NISCH: variants seen among roughly 807,000 people sequenced by gnomAD.
NISCH encodes I-1 receptor candidate protein.
NISCH carries 55 observed loss-of-function variants against 138.4 expected under a neutral mutation model. That is an observed-to-expected ratio of 0.40 (90% CI 0.32 to 0.50). The LOEUF is 0.50. Among genes scored for constraint, NISCH ranks in the 20% least tolerant of loss-of-function variants. The pLI, the probability that NISCH is intolerant of heterozygous loss-of-function variation, is 0.71. For missense variants in NISCH, 1,643 were observed against 2,005.5 expected, an observed-to-expected ratio of 0.82 and a Z score of 3.45; for synonymous variants, 860 against 861.5, an observed-to-expected ratio of 1.00 and a Z score of 0.03.
At chr3:52,467,737 G>A (rs1191695019) in intron 3 of NISCH, among the ~76,000 whole-genome samples, 1 of 152,250 alleles carries the variant, frequency 6.6e-6, no homozygotes, top group African/African-American at 2.4e-5. Flanking sequence ...CTTTCCATGT[G>A]TTCCAGAAAT....
Position 52,492,684 on chromosome 3 carries a change from G to A in NISCH, c.*202G>A. 2.8e-6 allele frequency: 2 copies of A among 710,734 alleles called. No homozygotes were observed. The highest frequency in any genetic ancestry group is 2.1e-5 in the South Asian group (1 of 48,020). 44.0% of individuals were successfully genotyped at this position (710,734 alleles called of 1,614,324 possible). On this transcript the variant is annotated 3_prime_UTR_variant, in exon 21 of 21. Coordinates refer to ENST00000345716, the MANE Select transcript of NISCH (RefSeq NM_007184.4). ...AATGCCGGGCCCCTCAGGGCTGTCG[G>A]TGTGCTGTCAGCCTCCCACAGGTGG...
Position 52,489,635 on chromosome 3 carries a change from G to C in NISCH, c.3413G>C (p.Arg1138Pro), listed in dbSNP as rs747651412. ...CPSLRHVASLRGSAIIELFHS... is the reference protein window; with the variant it reads ...CPSLRHVASLPGSAIIELFHS... ...TCGCTCCGGCACGTCGCCAGCCTGC[G>C]GGGCAGCGCCATCATCGAGCTCTTC... The change falls in exon 17 of 21, where the codon CGG (arginine) becomes CCG (proline). Residue 1138 changes from arginine (R) to proline (P), a missense_variant. Arg to Pro is a moderately radical substitution (Grantham distance 103). Transcript: ENST00000345716. 5.0e-6 allele frequency: 8 copies of C among 1,612,908 alleles called. No homozygotes were observed. The South Asian group carries it at 5.5e-5, about 11-fold the overall frequency.
intron 20 of NISCH, 133 bp downstream of exon 20, chr3:52,491,646 T>C: frequency 8.4e-7 from 1 of 1,184,000 alleles, no homozygotes; most frequent in Non-Finnish European, 1.2e-6. Context: ...CAGGGTTTTA[T>C]GTGGGGCTTT....
chr3:52,485,851 C>T (rs747380375), intron 15 of NISCH, 24 bp downstream of exon 15: 87 of 1,565,166 alleles, frequency 5.6e-5, no homozygotes, highest in Non-Finnish European at 7.4e-5. Flanking sequence ...TGGAAAGGGA[C>T]CTGGGCCTGG....
At position 52,461,072 on chromosome 3, in the gene NISCH, G is replaced by A. The variant is rs149825620; in HGVS notation, c.360+2228G>A. ...CTGGCCAACATAGCGAAACCCTGTC[G>A]CTACTAAAAATACAAAAATTAGCTG... is the stretch of plus-strand genomic sequence containing the variant. On this transcript the variant is annotated intron_variant, in intron 3 of 20. Transcript: ENST00000345716. 1.3e-4 allele frequency among the ~76,000 whole-genome samples: 20 copies of A among 152,094 alleles called. No homozygotes were observed. The East Asian group carries it at 1.6e-3, about 12-fold the overall frequency.
intron 15 of NISCH, 72 bp downstream of exon 15, chr3:52,485,899 G>C: frequency 6.9e-7 from 1 of 1,447,000 alleles, no homozygotes; most frequent in South Asian, 1.2e-5. Context: ...TGTGGGCCAG[G>C]GGTGGCCAGT....
At chr3:52,481,166 T>A (rs2153231473) in intron 13 of NISCH, 1 of 1,211,944 alleles carries the variant, frequency 8.3e-7, no homozygotes, top group African/African-American at 1.6e-5. Context: ...GAAGGGGAGG[T>A]GAAATGCTCA....
intron 1 of NISCH, among the ~76,000 whole-genome samples, chr3:52,457,439 G>A (rs1192600734): frequency 6.6e-6 from 1 of 152,232 alleles, no homozygotes; most frequent in Non-Finnish European, 1.5e-5. Context: ...GGCTAGAACT[G>A]GCCCTGCTCT....
At chr3:52,470,782 G>T (rs1235330495) in intron 3 of NISCH, 77 bp from the exon 4 acceptor site, 1 of 1,176,162 alleles carries the variant, frequency 8.5e-7, no homozygotes, top group Non-Finnish European at 1.3e-6. Flanking sequence ...CAACAGAGGG[G>T]ATAGATAGCG....
chr3:52,479,575 C>T lies in NISCH; in HGVS notation c.1303-174C>T, dbSNP rs1307568291. 3.3e-5 allele frequency among the ~76,000 whole-genome samples: 5 copies of T among 152,160 alleles called. No individual in the cohort carries two copies. In the South Asian group the frequency reaches 1.0e-3, roughly 32 times the overall value. ...CTGAGCAGGCTGAGCCTCCCTCAGC[C>T]TATGGTGTCCTCACGTGGCCTGGCC... On this transcript the variant is annotated intron_variant, in intron 11 of 20. Transcript: ENST00000345716.
chr3:52,471,624 A>G, intron 4 of NISCH, 190 bp from the exon 5 acceptor site: 2 of 618,438 alleles, frequency 3.2e-6, no homozygotes, highest in East Asian at 2.8e-5. Flanking sequence ...CTGTCATCAC[A>G]TGTCTAGGGT....
intron 3 of NISCH, among the ~76,000 whole-genome samples, chr3:52,460,199 A>AAG (rs1304584091): frequency 1.3e-5 from 2 of 150,336 alleles, no homozygotes; most frequent in Non-Finnish European, 3.0e-5. Context: ...AAAAAAAAAA[A>AAG]AAAAAAAAAA....
In NISCH at chr3:52,488,079, A is replaced by G; in HGVS notation, c.2587A>G (p.Ser863Gly). The G allele has an allele frequency of 6.2e-7, 1 of 1,612,790 alleles. No individual in the cohort carries two copies. The change falls in exon 16 of 21, where the codon AGT becomes GGT. Residue 863 changes from serine (S) to glycine (G), a missense_variant. Physicochemically the swap from Ser to Gly is moderately conservative, Grantham distance 56 (BLOSUM62 0). Transcript: ENST00000345716. ...CTGCTTCCCCGTCTACCTGGTCTAC[A>G]GTGACAAGCGCATGGTGCAGACGGC... Reference protein sequence around the residue: ...QGCFPVYLVYSDKRMVQTAAG... With the variant: ...QGCFPVYLVYGDKRMVQTAAG...
intron 13 of NISCH, 138 bp downstream of exon 13, chr3:52,480,433 G>A (rs558840613): frequency 2.6e-6 from 4 of 1,544,412 alleles, no homozygotes; most frequent in Admixed American, 3.9e-5. Context: ...CCTTCTGCAG[G>A]CTGGTCCTCG....
In NISCH at chr3:52,462,171, C is replaced by T. The variant is rs150352897; in HGVS notation, c.360+3327C>T. On this transcript the variant is annotated intron_variant, in intron 3 of 20. Transcript: ENST00000345716. ...GGAATTAGTATTATCAAACAGGTCC[C>T]TAGGTTATATAAATCCTAGGATTTA... Among the ~76,000 whole-genome samples, 21 of 152,256 alleles carry T rather than the reference C, an allele frequency of 1.4e-4. No individual in the cohort carries two copies. The East Asian group carries it at 4.0e-3, about 29-fold the overall frequency.
intron 6 of NISCH, among the ~76,000 whole-genome samples, chr3:52,473,140 G>A (rs1484389458): frequency 1.3e-5 from 2 of 152,256 alleles, no homozygotes; most frequent in African/African-American, 4.8e-5. Context: ...AGCCTCTGCT[G>A]TGCACTGGGC....
intron 3 of NISCH, among the ~76,000 whole-genome samples, chr3:52,469,595 T>C (rs1160237222): frequency 1.3e-5 from 2 of 152,190 alleles, no homozygotes; most frequent in South Asian, 4.1e-4. Flanking sequence ...AGTGAGACCC[T>C]GTCTCTACAA....
At chr3:52,480,124 GC>G (rs769444239) in intron 12 of NISCH, 59 bp from the exon 13 acceptor site, 51 of 1,594,094 alleles carry the variant, frequency 3.2e-5, no homozygotes, top group Non-Finnish European at 4.4e-5. Context: ...CACACCCCTG[GC>G]CTTGGGGAGC....
chr3:52,474,225 T>G (rs1335378085), intron 7 of NISCH, among the ~76,000 whole-genome samples: 1 of 152,192 alleles, frequency 6.6e-6, no homozygotes, highest in Non-Finnish European at 1.5e-5. Flanking sequence ...GCGATTCTCC[T>G]ACCTCAGCCT....
Sources: gnomAD v4.1 joint callset for allele counts (sites outside exome capture counted in the v4.1 genomes callset) on GRCh38, gnomAD v4.1.1 for gene constraint, MANE v1.5 for transcripts, NCBI Gene and HGNC (gene_info 2026-07-23, HGNC 2026-07-21) for gene names.